DLGAP1: variants seen among roughly 807,000 people sequenced by gnomAD.
DLGAP1 encodes the protein DLG associated protein 1.
A neutral mutation model predicts 90.8 loss-of-function variants in DLGAP1; 11 were observed. The observed-to-expected ratio is 0.12, with a 90% CI of 0.08 to 0.20. DLGAP1 has a LOEUF of 0.20. Ranked by LOEUF, DLGAP1 falls within the 10% of genes least tolerant of loss-of-function variation. DLGAP1 has a pLI of 1.00. For synonymous variants in DLGAP1, 558 were observed against 540.7 expected, an observed-to-expected ratio of 1.03 and a Z score of -0.44; for missense variants, 1,050 against 1,333.8, an observed-to-expected ratio of 0.79 and a Z score of 3.31.
chr18:3,512,303 TAGGCACCTGATGGTG>T (rs1310537538), intron 10 of DLGAP1, among the ~76,000 whole-genome samples: 2 of 152,184 alleles, frequency 1.3e-5, no homozygotes, highest in Non-Finnish European at 2.9e-5. Flanking sequence ...AGACACCGTA[TAGGCACCTGATGGTG>T]AGGCTTATAG....
intron 7 of DLGAP1, among the ~76,000 whole-genome samples, chr18:3,672,280 C>T (rs1316337554): frequency 6.6e-6 from 1 of 151,338 alleles, no homozygotes; most frequent in Admixed American, 6.6e-5. Flanking sequence ...TTATCTATTT[C>T]TTGAAAGTTA....
chr18:3,784,203 C>T (rs374633235), intron 5 of DLGAP1, among the ~76,000 whole-genome samples: 1 of 152,150 alleles, frequency 6.6e-6, no homozygotes, highest in African/African-American at 2.4e-5. Flanking sequence ...TGTCAGCCCC[C>T]AAGCCATTGT....
chr18:3,559,778 G>A (rs770082287), intron 9 of DLGAP1, among the ~76,000 whole-genome samples: 9 of 151,570 alleles, frequency 5.9e-5, no homozygotes, highest in African/African-American at 1.7e-4. Context: ...AAGTGCCACC[G>A]TGCCCAGCTA....
At chr18:3,547,599 G>GA (rs57999902) in intron 9 of DLGAP1, among the ~76,000 whole-genome samples, 148,908 of 151,984 alleles carry the variant, frequency 0.98, 73,036 homozygotes, top group East Asian at 1. Context: ...AGCCATAAGG[G>GA]AAAAAATTTA....
At position 3,534,321 on chromosome 18, in the gene DLGAP1, C is replaced by T. The variant is rs2052198562; in HGVS notation, c.2352G>A (p.Val784=). 1 of 1,614,076 alleles carries T rather than the reference C, an allele frequency of 6.2e-7. No individual in the cohort carries two copies. Among genetic ancestry groups the T allele is most frequent in the African/African-American group, 1.3e-5 (1 of 74,922 alleles). Residue 784 remains valine, a synonymous_variant, in exon 10 of 13, where the codon GTG becomes GTA. Coordinates refer to ENST00000315677, the MANE Select transcript of DLGAP1 (RefSeq NM_004746.4). ...DSITEDPLEA[V]QRSVCHRDGH... The stretch of plus-strand genomic sequence containing the variant: ...CATCCCGGTGGCACACTGACCTTTG[C>T]ACGGCCTCCAGAGGGTCTTCAGTGA...
intron 1 of DLGAP1, among the ~76,000 whole-genome samples, chr18:4,357,055 G>C (rs1405785527): frequency 4.8e-5 from 7 of 144,420 alleles, no homozygotes. Flanking sequence ...TCATCTGTCT[G>C]TCTGTCTCTC....
At chr18:4,057,031 AC>A (rs1184399522) in intron 2 of DLGAP1, among the ~76,000 whole-genome samples, 1 of 150,010 alleles carries the variant, frequency 6.7e-6, no homozygotes, top group Non-Finnish European at 1.5e-5. Context: ...ACACACACAC[AC>A]ACACACACAC....
chr18:4,077,215 GT>G (rs2075536771), intron 2 of DLGAP1, among the ~76,000 whole-genome samples: 1 of 152,174 alleles, frequency 6.6e-6, no homozygotes, highest in Admixed American at 6.5e-5. Context: ...AAAATACCCA[GT>G]GATTTTTTTG....
intron 1 of DLGAP1, among the ~76,000 whole-genome samples, chr18:4,263,550 A>C (rs2079044782): frequency 6.6e-6 from 1 of 152,212 alleles, no homozygotes; most frequent in Non-Finnish European, 1.5e-5. Context: ...ATGGCCAAAG[A>C]GGATAAAGAA....
chr18:4,364,599 A>AC (rs1282970387), intron 1 of DLGAP1, among the ~76,000 whole-genome samples: 20 of 152,140 alleles, frequency 1.3e-4, no homozygotes, highest in Non-Finnish European at 1.0e-4. Flanking sequence ...GTTTAAAAAA[A>AC]AATCCAACTC....
At position 4,244,208 on chromosome 18, in the gene DLGAP1, C is replaced by T. The variant is rs537856956; in HGVS notation, c.-266-92921G>A. On this transcript the variant is annotated intron_variant, in intron 1 of 12. Transcript: ENST00000315677. ...GTAGGAAATCTGGACTAACAACGGT[C>T]ACCTTCCCCCTTCAAGTCCTACGTA... Among the ~76,000 whole-genome samples, 245 of 152,274 alleles carry T rather than the reference C, an allele frequency of 1.6e-3. 1 individual carries two copies. The highest frequency in any genetic ancestry group is 5.7e-3 in the African/African-American group (237 of 41,544).
intron 5 of DLGAP1, among the ~76,000 whole-genome samples, chr18:3,798,592 A>G (rs1193402038): frequency 6.6e-6 from 1 of 152,046 alleles, no homozygotes; most frequent in African/African-American, 2.4e-5. Context: ...GTGGTTGAGT[A>G]CCCTGGTCTC....
intron 1 of DLGAP1, among the ~76,000 whole-genome samples, chr18:4,247,584 T>C (rs1347401078): frequency 6.6e-6 from 1 of 152,126 alleles, no homozygotes; most frequent in Non-Finnish European, 1.5e-5. Context: ...GAGACCAGTC[T>C]GCCCAACATG....
chr18:3,814,372 T>G (rs2066991899), intron 4 of DLGAP1, 99 bp from the exon 5 acceptor site: 1 of 1,228,922 alleles, frequency 8.1e-7, no homozygotes, highest in Non-Finnish European at 1.1e-6. Flanking sequence ...TTTTTTTTTT[T>G]TTTTTTTGAG....
chr18:4,366,222 G>T (rs1395770358), intron 1 of DLGAP1, among the ~76,000 whole-genome samples: 1 of 151,956 alleles, frequency 6.6e-6, no homozygotes, highest in Non-Finnish European at 1.5e-5. Flanking sequence ...CCTAAATACT[G>T]AATAATCTTT....
chr18:3,793,583 A>C (rs2065845975), intron 5 of DLGAP1, among the ~76,000 whole-genome samples: 1 of 151,992 alleles, frequency 6.6e-6, no homozygotes, highest in Non-Finnish European at 1.5e-5. Flanking sequence ...GTCCCATGTC[A>C]CTTAGAGTAC....
chr18:4,384,627 T>C (rs2082194942), intron 1 of DLGAP1, among the ~76,000 whole-genome samples: 2 of 152,138 alleles, frequency 1.3e-5, no homozygotes, highest in African/African-American at 4.8e-5. Context: ...CTCGTACTAA[T>C]ATAGCTGAAT....
At chr18:3,593,421 A>C (rs1407982740) in intron 7 of DLGAP1, among the ~76,000 whole-genome samples, 2 of 152,222 alleles carry the variant, frequency 1.3e-5, no homozygotes, top group African/African-American at 4.8e-5. Context: ...GTGAGAAGGC[A>C]GAGATCAGAG....
chr18:3,535,340 A>G (rs1240075918), intron 9 of DLGAP1, among the ~76,000 whole-genome samples: 1 of 152,160 alleles, frequency 6.6e-6, no homozygotes, highest in African/African-American at 2.4e-5. Flanking sequence ...GGGTGACTTA[A>G]GTCCTGAAAT....
Sources: gnomAD v4.1 joint callset for allele counts (sites outside exome capture counted in the v4.1 genomes callset) on GRCh38, gnomAD v4.1.1 for gene constraint, MANE v1.5 for transcripts, NCBI Gene and HGNC (gene_info 2026-07-23, HGNC 2026-07-21) for gene names.